KALRN: variants seen among roughly 807,000 people sequenced by gnomAD.
The protein encoded by KALRN is kalirin.
In KALRN, 70 loss-of-function variants were observed where a neutral mutation model predicts 353.7. The ratio of observed to expected loss-of-function variants is 0.20; its 90% CI spans 0.16 to 0.24. The LOEUF is 0.24. Among genes scored for constraint, KALRN ranks in the 10% least tolerant of loss-of-function variants. The pLI, the probability that KALRN is intolerant of heterozygous loss-of-function variation, is 1.00. For missense variants in KALRN, 2,791 were observed against 3,756.7 expected (o/e 0.74, Z 6.72); for synonymous variants, 1,391 against 1,434.8 (o/e 0.97, Z 0.69).
chr3:124,105,049 A>G (rs748356072), intron 1 of KALRN, among the ~76,000 whole-genome samples: 8 of 152,214 alleles, frequency 5.3e-5, no homozygotes, highest in Admixed American at 1.3e-4. Context: ...TGTTCTTTAA[A>G]GATGAATCTG....
intron 33 of KALRN, among the ~76,000 whole-genome samples, chr3:124,501,404 T>C (rs1300534790): frequency 6.6e-6 from 1 of 152,202 alleles, no homozygotes; most frequent in Non-Finnish European, 1.5e-5. Context: ...TCAATGGTTT[T>C]TAAACCCTGA....
At chr3:124,488,061 T>G (rs535400245) in intron 28 of KALRN, 143 bp from the exon 29 acceptor site, 1 of 564,972 alleles carries the variant, frequency 1.8e-6, no homozygotes, top group African/African-American at 1.9e-5. Context: ...AGATAACCCC[T>G]TTTACCCCAC....
At chr3:124,294,473 C>G (rs1016965781) in intron 5 of KALRN, among the ~76,000 whole-genome samples, 2 of 148,276 alleles carry the variant, frequency 1.3e-5, no homozygotes, top group Non-Finnish European at 3.0e-5. Flanking sequence ...ATTTTGAACT[C>G]TAAAGCATCA....
chr3:124,685,249 C>G (rs1389277089), intron 51 of KALRN, among the ~76,000 whole-genome samples: 1 of 152,122 alleles, frequency 6.6e-6, no homozygotes. Context: ...TTTGTTCTGA[C>G]TCTCCATGCA....
chr3:124,163,485 C>T, intron 1 of KALRN: 2 of 424,938 alleles, frequency 4.7e-6, no homozygotes, highest in Non-Finnish European at 6.3e-6. Context: ...AATGTGAAAG[C>T]AGTTTGAAGA....
chr3:124,667,574 A>T (rs1355637705), intron 47 of KALRN, among the ~76,000 whole-genome samples: 1 of 152,228 alleles, frequency 6.6e-6, no homozygotes, highest in African/African-American at 2.4e-5. Context: ...TTAACTAGAG[A>T]TAAATGAGAG....
chr3:124,703,277 G>C (rs1302057378), intron 57 of KALRN, among the ~76,000 whole-genome samples: 1 of 151,852 alleles, frequency 6.6e-6, no homozygotes, highest in Admixed American at 6.6e-5. Context: ...CTCCTTTCCT[G>C]TCTTCTTTGT....
At chr3:124,518,464 G>A (rs751927296) in intron 33 of KALRN, 42 of 1,613,936 alleles carry the variant, frequency 2.6e-5, no homozygotes, top group Admixed American at 1.2e-4. Flanking sequence ...TACGTTTAGC[G>A]CGCATCCTGG....
intron 1 of KALRN, among the ~76,000 whole-genome samples, chr3:124,062,923 T>C (rs1247969657): frequency 6.6e-6 from 1 of 152,076 alleles, no homozygotes; most frequent in Non-Finnish European, 1.5e-5. Context: ...CACTGAGGGA[T>C]GTAAAGGAAA....
chr3:124,305,808 G>T (rs572486857), intron 6 of KALRN, among the ~76,000 whole-genome samples: 1 of 151,900 alleles, frequency 6.6e-6, no homozygotes, highest in Non-Finnish European at 1.5e-5. Context: ...GACCTAAAAT[G>T]TCCAATTTTC....
chr3:124,179,942 G>A (rs1487040278), intron 1 of KALRN, among the ~76,000 whole-genome samples: 1 of 152,208 alleles, frequency 6.6e-6, no homozygotes, highest in Non-Finnish European at 1.5e-5. Context: ...GATAAGGGGG[G>A]ACTACTATAA....
At chr3:124,422,339 T>C (rs1446540832) in intron 14 of KALRN, among the ~76,000 whole-genome samples, 2 of 152,162 alleles carry the variant, frequency 1.3e-5, no homozygotes, top group East Asian at 3.8e-4. Flanking sequence ...GCTACTCTCA[T>C]TGAAGTGAAC....
chr3:124,419,668 C>G (rs931068293), intron 14 of KALRN, among the ~76,000 whole-genome samples: 4 of 152,090 alleles, frequency 2.6e-5, no homozygotes, highest in Admixed American at 6.5e-5. Flanking sequence ...ATTCCTGGAA[C>G]AACATAGATA....
intron 6 of KALRN, among the ~76,000 whole-genome samples, chr3:124,322,528 G>A (rs561608996): frequency 6.6e-6 from 1 of 152,264 alleles, no homozygotes; most frequent in East Asian, 1.9e-4. Flanking sequence ...GGGGCAGCTG[G>A]TAGGAAATGG....
intron 51 of KALRN, among the ~76,000 whole-genome samples, chr3:124,683,587 A>G (rs2061433497): frequency 6.6e-6 from 1 of 152,232 alleles, no homozygotes; most frequent in Non-Finnish European, 1.5e-5. Flanking sequence ...AACTAAAACA[A>G]AACAAAACCC....
intron 10 of KALRN, among the ~76,000 whole-genome samples, chr3:124,378,684 GT>G (rs56153041): frequency 6.1e-4 from 93 of 151,712 alleles, no homozygotes; most frequent in Middle Eastern, 6.8e-3. Flanking sequence ...CCCAGGTTTT[GT>G]TTTTTTTTTT....
At chr3:124,518,611 T>A in intron 33 of KALRN, 3 of 1,533,240 alleles carry the variant, frequency 2.0e-6, no homozygotes, top group Non-Finnish European at 2.6e-6. Context: ...GGCAACATGT[T>A]CCAAGCAAAA....
intron 1 of KALRN, among the ~76,000 whole-genome samples, chr3:124,150,427 G>T (rs2067936634): frequency 6.6e-6 from 1 of 151,898 alleles, no homozygotes; most frequent in African/African-American, 2.4e-5. Flanking sequence ...GGGTACATGT[G>T]CACAACGTGC....
At chr3:124,694,298 T>A (rs751823048) in intron 52 of KALRN, 34 bp from the exon 53 acceptor site, 20 of 1,597,328 alleles carry the variant, frequency 1.3e-5, no homozygotes, top group Non-Finnish European at 1.7e-5. Context: ...AAATTTGCTC[T>A]GAATGATGTT....
Sources: allele counts gnomAD v4.1 joint callset (sites outside exome capture counted in the v4.1 genomes callset), GRCh38; gene constraint gnomAD v4.1.1; transcripts MANE v1.5; gene names NCBI Gene and HGNC (gene_info 2026-07-23, HGNC 2026-07-21).